The following SEMA5A variants were observed in gnomAD, a reference collection of about 807,000 sequenced individuals.
The protein encoded by SEMA5A is semaphorin-5A.
SEMA5A carries 55 observed loss-of-function variants against 135.5 expected under a neutral mutation model. That is an observed-to-expected ratio of 0.41 (90% CI 0.33 to 0.51). The LOEUF (loss-of-function observed/expected upper bound fraction) is 0.51, where lower values mean the gene tolerates loss of function less well. Ranked by LOEUF, SEMA5A falls within the 20% of genes least tolerant of loss-of-function variation. The pLI is 0.37. For missense variants in SEMA5A, 1,290 were observed against 1,419.9 expected (o/e 0.91, Z 1.47); for synonymous variants, 580 against 546.5 (o/e 1.06, Z -0.85).
chr5:9,331,133 G>A lies in SEMA5A; in HGVS notation c.224+6580C>T, dbSNP rs868480657. ...AAGTGTGGCTACTGGAAGCAGAATC[G>A]CTGATCTGATAAACATCTTCAGTTT... On this transcript the variant is annotated intron_variant, in intron 4 of 22. Transcript: ENST00000382496. Among the ~76,000 whole-genome samples, 48 of 152,152 alleles carry A rather than the reference G, an allele frequency of 3.2e-4. 1 individual carries two copies. Among genetic ancestry groups the A allele is most frequent in the African/African-American group, 1.1e-3 (44 of 41,426 alleles).
chr5:9,453,385 A>T (rs1207343800), intron 1 of SEMA5A, among the ~76,000 whole-genome samples: 1 of 151,988 alleles, frequency 6.6e-6, no homozygotes, highest in African/African-American at 2.4e-5. Context: ...CACATCCTCT[A>T]TTTCGTGCCA....
chr5:9,215,367 T>A (rs1365921898), intron 8 of SEMA5A, among the ~76,000 whole-genome samples: 15 of 151,726 alleles, frequency 9.9e-5, no homozygotes, highest in Admixed American at 9.2e-4. Context: ...ACCAAAAAAA[T>A]ATGTTGAAGT....
intron 10 of SEMA5A, among the ~76,000 whole-genome samples, chr5:9,196,915 G>C (rs933330625): frequency 2.6e-5 from 4 of 152,204 alleles, no homozygotes; most frequent in Admixed American, 6.5e-5. Context: ...GCTGCAGAAT[G>C]CTGGCCTTTT....
At chr5:9,227,551 A>ATTTTTT (rs10691747) in intron 6 of SEMA5A, among the ~76,000 whole-genome samples, 2 of 141,054 alleles carry the variant, frequency 1.4e-5, no homozygotes, top group Admixed American at 7.1e-5. Flanking sequence ...ATCTATATGA[A>ATTTTTT]TTTTTTTTTT....
chr5:9,481,587 T>C (rs1454011588), intron 1 of SEMA5A, among the ~76,000 whole-genome samples: 2 of 152,248 alleles, frequency 1.3e-5, no homozygotes, highest in Non-Finnish European at 2.9e-5. Context: ...ATTTTCTTTT[T>C]CCTTGGGTAT....
chr5:9,504,228 A>AG (rs1216243564), intron 1 of SEMA5A, among the ~76,000 whole-genome samples: 10 of 151,416 alleles, frequency 6.6e-5, no homozygotes, highest in Non-Finnish European at 1.0e-4. Context: ...AAAAAAGAAA[A>AG]AAAAAAAAAA....
intron 2 of SEMA5A, among the ~76,000 whole-genome samples, chr5:9,389,607 ATCCTTCCCT>A (rs1204223800): frequency 6.6e-6 from 1 of 151,992 alleles, no homozygotes; most frequent in Non-Finnish European, 1.5e-5. Flanking sequence ...TGTCTTGACA[ATCCTTCCCT>A]TACCCACATT....
At chr5:9,352,928 T>A (rs1185744262) in intron 3 of SEMA5A, among the ~76,000 whole-genome samples, 1 of 151,866 alleles carries the variant, frequency 6.6e-6, no homozygotes, top group Non-Finnish European at 1.5e-5. Context: ...AGAATAAAAC[T>A]ATACCAACCC....
chr5:9,245,610 C>T lies in SEMA5A; in HGVS notation c.271-7720G>A, dbSNP rs114366788. 8.3e-3 allele frequency among the ~76,000 whole-genome samples: 1,268 copies of T among 152,136 alleles called. 14 individuals are homozygous for T. The highest frequency in any genetic ancestry group is 0.029 in the African/African-American group (1,204 of 41,508). On this transcript the variant is annotated intron_variant, in intron 5 of 22. Transcript: ENST00000382496. ...TTGGCAGTACAAATTGAAATGACAG[C>T]GGACACCTTATTCCGTACTCTATAA...
At chr5:9,180,742 T>A (rs1020366818) in intron 11 of SEMA5A, among the ~76,000 whole-genome samples, 7 of 151,900 alleles carry the variant, frequency 4.6e-5, no homozygotes, top group Admixed American at 4.6e-4. Context: ...TTGCCCTACT[T>A]TTTTTAGATA....
chr5:9,188,170 G>A (rs1388090253), intron 11 of SEMA5A, among the ~76,000 whole-genome samples: 1 of 152,118 alleles, frequency 6.6e-6, no homozygotes, highest in Non-Finnish European at 1.5e-5. Context: ...TAGGAGAGAA[G>A]ATCTCTCTTC....
intron 5 of SEMA5A, among the ~76,000 whole-genome samples, chr5:9,264,459 G>T (rs1460235125): frequency 1.3e-5 from 2 of 152,148 alleles, no homozygotes; most frequent in Non-Finnish European, 2.9e-5. Context: ...GCAAATCCTA[G>T]AATAACGTAC....
chr5:9,452,643 C>G (rs1477905325), intron 1 of SEMA5A, among the ~76,000 whole-genome samples: 1 of 152,122 alleles, frequency 6.6e-6, no homozygotes, highest in Non-Finnish European at 1.5e-5. Flanking sequence ...ACAAAACTTT[C>G]TTTTAGCTTC....
Position 9,061,267 on chromosome 5 carries a change from C to T in SEMA5A, c.2518+1620G>A, listed in dbSNP as rs776327385. Reference sequence around the variant, plus strand: ...TGTAAACAGTGCACAGTCGGTTACTCAAAAATGTTTCCTGAGAAATGACAT... The same window carrying T: ...TGTAAACAGTGCACAGTCGGTTACTTAAAAATGTTTCCTGAGAAATGACAT... On this transcript the variant is annotated intron_variant, in intron 18 of 22. Coordinates refer to ENST00000382496, the MANE Select transcript of SEMA5A (RefSeq NM_003966.3). Among the ~76,000 whole-genome samples the T allele has an allele frequency of 1.6e-3, 251 of 152,218 alleles. 1 individual carries two copies. The highest frequency in any genetic ancestry group is 3.2e-3 in the Non-Finnish European group (220 of 68,012).
intron 1 of SEMA5A, among the ~76,000 whole-genome samples, chr5:9,510,426 T>C (rs1309607690): frequency 6.6e-6 from 1 of 152,226 alleles, no homozygotes; most frequent in Non-Finnish European, 1.5e-5. Context: ...TATTTCTAGA[T>C]TGGTAAGCAC....
intron 5 of SEMA5A, among the ~76,000 whole-genome samples, chr5:9,284,106 T>TAGAGAGAGAGAG (rs3034563): frequency 4.6e-4 from 69 of 148,598 alleles, no homozygotes; most frequent in African/African-American, 1.4e-3. Flanking sequence ...AGATAGATAT[T>TAGAGAGAGAGAG]AGAGAGAGAG....
chr5:9,265,535 C>T (rs1455899440), intron 5 of SEMA5A: 5 of 456,298 alleles, frequency 1.1e-5, no homozygotes, highest in Admixed American at 9.4e-5. Flanking sequence ...GGTCCTCCTG[C>T]TCCAGGCTGT....
At chr5:9,325,569 T>C (rs1752834203) in intron 4 of SEMA5A, among the ~76,000 whole-genome samples, 1 of 152,126 alleles carries the variant, frequency 6.6e-6, no homozygotes, top group Admixed American at 6.5e-5. Context: ...CATAACAATA[T>C]ATTCTCGGAG....
intron 16 of SEMA5A, among the ~76,000 whole-genome samples, chr5:9,102,701 A>G (rs1739695773): frequency 6.6e-6 from 1 of 152,214 alleles, no homozygotes; most frequent in Non-Finnish European, 1.5e-5. Flanking sequence ...TCACCAAATT[A>G]AGAACAATAC....
Sources: gnomAD v4.1 joint callset for allele counts (sites outside exome capture counted in the v4.1 genomes callset) on GRCh38, gnomAD v4.1.1 for gene constraint, MANE v1.5 for transcripts, NCBI Gene and HGNC (gene_info 2026-07-23, HGNC 2026-07-21) for gene names.